SEZ6L: variants seen among roughly 807,000 people sequenced by gnomAD.
SEZ6L encodes the protein seizure related 6 homolog like.
A neutral mutation model predicts 106.2 loss-of-function variants in SEZ6L; 37 were observed. The ratio of observed to expected loss-of-function variants is 0.35; its 90% CI spans 0.27 to 0.46. SEZ6L has a LOEUF of 0.46. Ranked by LOEUF, SEZ6L falls within the 20% of genes least tolerant of loss-of-function variation. The probability of loss-of-function intolerance (pLI) is 1.00; values close to 1 mark genes in which losing one functional copy is unlikely to be tolerated. For missense variants in SEZ6L, 1,172 were observed against 1,332.8 expected (o/e 0.88, Z 1.88); for synonymous variants, 541 against 570.4 (o/e 0.95, Z 0.73).
chr22:26,239,980 A>G (rs1255326324), intron 1 of SEZ6L, among the ~76,000 whole-genome samples: 1 of 151,576 alleles, frequency 6.6e-6, no homozygotes, highest in African/African-American at 2.4e-5. Flanking sequence ...ACTTCCCTCA[A>G]CAAGGCTGGG....
intron 6 of SEZ6L, among the ~76,000 whole-genome samples, chr22:26,307,297 G>A (rs1183392757): frequency 6.6e-6 from 1 of 152,188 alleles, no homozygotes; most frequent in Admixed American, 6.5e-5. Context: ...AGCAGAAAAT[G>A]TGGGAGCAGT....
intron 1 of SEZ6L, among the ~76,000 whole-genome samples, chr22:26,261,408 A>G (rs1442151877): frequency 1.3e-5 from 2 of 152,204 alleles, no homozygotes; most frequent in Admixed American, 1.3e-4. Context: ...TGATTTTTGT[A>G]TAAGGTGACT....
intron 1 of SEZ6L, among the ~76,000 whole-genome samples, chr22:26,248,650 C>T (rs1232556578): frequency 6.6e-6 from 1 of 152,244 alleles, no homozygotes; most frequent in African/African-American, 2.4e-5. Flanking sequence ...ACTCTGACCT[C>T]ATGCATCGAA....
intron 1 of SEZ6L, among the ~76,000 whole-genome samples, chr22:26,271,291 A>G (rs2080357122): frequency 6.6e-6 from 1 of 152,248 alleles, no homozygotes; most frequent in Admixed American, 6.5e-5. Context: ...TCAAAATCAG[A>G]ACATTTGCAC....
At chr22:26,322,730 A>C (rs1306840322) in intron 9 of SEZ6L, among the ~76,000 whole-genome samples, 1 of 152,212 alleles carries the variant, frequency 6.6e-6, no homozygotes, top group Admixed American at 6.5e-5. Flanking sequence ...GGAGGAAAGA[A>C]GGAGGTTGCA....
intron 9 of SEZ6L, 125 bp from the exon 10 acceptor site, chr22:26,340,311 A>G (rs2082787235): frequency 1.2e-6 from 1 of 827,710 alleles, no homozygotes; most frequent in Non-Finnish European, 1.9e-6. Flanking sequence ...GGGTTAAGAC[A>G]CATAGCCTGG....
intron 1 of SEZ6L, among the ~76,000 whole-genome samples, chr22:26,207,988 C>A (rs890777834): frequency 2.1e-4 from 32 of 151,164 alleles, no homozygotes; most frequent in Non-Finnish European, 4.0e-4. Context: ...CGACTCACTG[C>A]AAGCTCCGCC....
chr22:26,314,827 C>T (rs933759959), intron 9 of SEZ6L, among the ~76,000 whole-genome samples: 6 of 152,232 alleles, frequency 3.9e-5, no homozygotes, highest in African/African-American at 1.4e-4. Flanking sequence ...TCATTAACCC[C>T]ACTGTCTGAG....
intron 5 of SEZ6L, 146 bp from the exon 6 acceptor site, chr22:26,305,833 C>A: frequency 1.2e-6 from 1 of 841,634 alleles, no homozygotes; most frequent in Non-Finnish European, 1.7e-6. Flanking sequence ...TCTGATGTTT[C>A]ATCCTGGGCA....
intron 12 of SEZ6L, among the ~76,000 whole-genome samples, chr22:26,353,713 C>A (rs200184324): frequency 6.6e-6 from 1 of 151,610 alleles, no homozygotes; most frequent in Non-Finnish European, 1.5e-5. Flanking sequence ...GTAATTGTGA[C>A]CTTGATTAGA....
intron 12 of SEZ6L, among the ~76,000 whole-genome samples, chr22:26,363,106 C>T (rs1471424144): frequency 1.3e-5 from 2 of 152,270 alleles, no homozygotes; most frequent in African/African-American, 4.8e-5. Context: ...CATTACTCAA[C>T]TCCAGCCAGT....
intron 13 of SEZ6L, 28 bp from the exon 14 acceptor site, chr22:26,373,423 G>A: frequency 6.3e-7 from 1 of 1,597,880 alleles, no homozygotes. Context: ...ACTTTACATT[G>A]ACCAATGCTT....
intron 1 of SEZ6L, among the ~76,000 whole-genome samples, chr22:26,263,110 T>C (rs1002727924): frequency 1.3e-5 from 2 of 152,128 alleles, no homozygotes; most frequent in Non-Finnish European, 2.9e-5. Flanking sequence ...CTTTCATGCT[T>C]CCCATGGTCT....
intron 4 of SEZ6L, among the ~76,000 whole-genome samples, chr22:26,297,917 C>T (rs980317369): frequency 9.9e-5 from 15 of 152,064 alleles, no homozygotes; most frequent in African/African-American, 3.6e-4. Flanking sequence ...GACCTCAGGT[C>T]TCCTTTGCCT....
intron 1 of SEZ6L, among the ~76,000 whole-genome samples, chr22:26,198,758 T>C (rs1420579005): frequency 6.6e-6 from 1 of 152,184 alleles, no homozygotes; most frequent in Non-Finnish European, 1.5e-5. Context: ...CTGATCCCAT[T>C]CATGGGGGAA....
chr22:26,202,459 A>G (rs939146259), intron 1 of SEZ6L, among the ~76,000 whole-genome samples: 5 of 152,340 alleles, frequency 3.3e-5, no homozygotes, highest in African/African-American at 1.2e-4. Context: ...TGAAGGAGGC[A>G]CGGGTTGTCT....
rs1202259935 is a variant in SEZ6L, at chr22:26,237,829, G to A, written c.95-54577G>A. ...ATGATTTGGATTTTTTTTTTAATCA[G>A]CAGAGCACAAGTGTGCTATTTCACA... On this transcript the variant is annotated intron_variant, in intron 1 of 16. Transcript: ENST00000248933. Among the ~76,000 whole-genome samples, 3 of 152,042 alleles carry A rather than the reference G, an allele frequency of 2.0e-5. No homozygotes were observed. The East Asian group carries it at 5.8e-4, about 29-fold the overall frequency.
chr22:26,277,004 T>C (rs1259070576), intron 1 of SEZ6L, among the ~76,000 whole-genome samples: 1 of 152,090 alleles, frequency 6.6e-6, no homozygotes, highest in Non-Finnish European at 1.5e-5. Flanking sequence ...CAAGGCTTTC[T>C]GAACCCAACA....
At chr22:26,304,428 GAAAA>G (rs1057329847) in intron 5 of SEZ6L, among the ~76,000 whole-genome samples, 7 of 142,294 alleles carry the variant, frequency 4.9e-5, no homozygotes, top group Admixed American at 1.4e-4. Context: ...AAGAAAGAAA[GAAAA>G]AGAAAGGAAA....
Sources: allele counts gnomAD v4.1 joint callset (sites outside exome capture counted in the v4.1 genomes callset), GRCh38; gene constraint gnomAD v4.1.1; transcripts MANE v1.5; gene names NCBI Gene and HGNC (gene_info 2026-07-23, HGNC 2026-07-21).